PLA2G1B: variants seen among roughly 807,000 people sequenced by gnomAD.
PLA2G1B encodes phospholipase A2 group IB.
Under a neutral mutation model 12.5 loss-of-function variants are expected in PLA2G1B, and 12 were observed. That is an observed-to-expected ratio of 0.96 (90% CI 0.62 to 1.56). The LOEUF (loss-of-function observed/expected upper bound fraction) is 1.56. Ranked by LOEUF, PLA2G1B falls within the 40% of genes most tolerant of loss-of-function variation. The pLI is 0.00. For missense variants in PLA2G1B, 189 were observed against 186.7 expected, an observed-to-expected ratio of 1.01 and a Z score of -0.07; for synonymous variants, 81 against 73.4, an observed-to-expected ratio of 1.10 and a Z score of -0.53.
chr12:120,322,830 A>G (rs1017817812), intron 3 of PLA2G1B, among the ~76,000 whole-genome samples: 2 of 152,016 alleles, frequency 1.3e-5, no homozygotes, highest in Admixed American at 1.3e-4. Flanking sequence ...CAAGTGATCC[A>G]TTTGCCTCGG....
intron 3 of PLA2G1B, among the ~76,000 whole-genome samples, chr12:120,323,746 T>G (rs957576245): frequency 7.9e-5 from 12 of 152,010 alleles, no homozygotes; most frequent in Admixed American, 2.0e-4. Flanking sequence ...GGAGGATGTA[T>G]AAGCAAATTA....
chr12:120,322,844 C>G (rs961986806), intron 3 of PLA2G1B, among the ~76,000 whole-genome samples: 6 of 152,156 alleles, frequency 3.9e-5, no homozygotes, highest in Admixed American at 1.3e-4. Context: ...GCCTCGGCCT[C>G]CCAAAGTGCT....
At chr12:120,322,582 T>A (rs7484571) in intron 3 of PLA2G1B, among the ~76,000 whole-genome samples, 10,723 of 152,182 alleles carry the variant, frequency 0.07, 818 homozygotes, top group East Asian at 0.45. Context: ...CATCCTGTGT[T>A]TTTTTGTTTT....
In PLA2G1B at chr12:120,327,765, G is replaced by A. The variant is rs1873379191; in HGVS notation, c.-12C>T. 2 of 1,613,352 alleles carry A rather than the reference G, an allele frequency of 1.2e-6. No homozygotes were observed. The highest frequency in any genetic ancestry group is 1.7e-6 in the Non-Finnish European group (2 of 1,179,322). On this transcript the variant is annotated 5_prime_UTR_variant, in exon 1 of 4. Coordinates refer to ENST00000308366, the MANE Select transcript of PLA2G1B (RefSeq NM_000928.3). ...ACAAGGAGTTTCATCTTGCAGTCAA[G>A]GTGAGAAAAGAACTGAGATGACCAG...
chr12:120,324,011 A>C (rs1873288979), intron 3 of PLA2G1B, among the ~76,000 whole-genome samples: 1 of 152,140 alleles, frequency 6.6e-6, no homozygotes, highest in Non-Finnish European at 1.5e-5. Flanking sequence ...TATAGCAATA[A>C]AGAAAATAGA....
intron 3 of PLA2G1B, among the ~76,000 whole-genome samples, chr12:120,323,988 C>A (rs531571435): frequency 2.6e-4 from 39 of 152,236 alleles, no homozygotes; most frequent in African/African-American, 9.4e-4. Context: ...AGACACTGCT[C>A]TAGATCTGGG....
At chr12:120,326,477 T>C (rs1320691910) in intron 1 of PLA2G1B, among the ~76,000 whole-genome samples, 1 of 149,400 alleles carries the variant, frequency 6.7e-6, no homozygotes, top group African/African-American at 2.4e-5. Context: ...CTAGGTCAGA[T>C]AGTTTTAAAC....
intron 1 of PLA2G1B, 91 bp from the exon 2 acceptor site, chr12:120,326,111 C>T: frequency 7.3e-7 from 1 of 1,368,280 alleles, no homozygotes. Flanking sequence ...ACGCTGCCTC[C>T]CTGACCCCTG....
chr12:120,325,147 G>C (rs138693218), intron 2 of PLA2G1B, 86 bp from the exon 3 acceptor site: 1 of 1,354,022 alleles, frequency 7.4e-7, no homozygotes, highest in Admixed American at 1.8e-5. Flanking sequence ...GAACAGGTGG[G>C]GATGACTTCG....
In PLA2G1B at chr12:120,322,324, A is replaced by G; in HGVS notation, c.323-7T>C. 1 of 1,613,202 alleles carries G rather than the reference A, an allele frequency of 6.2e-7. No homozygotes were observed. The highest frequency in any genetic ancestry group is 8.5e-7 in the Non-Finnish European group (1 of 1,179,614). ...TCACACTCTTTGTTTTTGCCTGGAG[A>G]GGGATGAAAGGAGAGGACTGAGCCA... On this transcript the variant is annotated splice_region_variant and splice_polypyrimidine_tract_variant and intron_variant, in intron 3 of 3. Coordinates refer to ENST00000308366, the MANE Select transcript of PLA2G1B (RefSeq NM_000928.3).
At chr12:120,326,435 C>A (rs1307327073) in intron 1 of PLA2G1B, among the ~76,000 whole-genome samples, 1 of 148,900 alleles carries the variant, frequency 6.7e-6, no homozygotes, top group Non-Finnish European at 1.5e-5. Flanking sequence ...CTCTGCTTCC[C>A]GGGTTCACGC....
At chr12:120,326,832 G>A (rs987308470) in intron 1 of PLA2G1B, among the ~76,000 whole-genome samples, 2 of 151,908 alleles carry the variant, frequency 1.3e-5, no homozygotes, top group African/African-American at 4.8e-5. Context: ...TTAGCGGGGC[G>A]TGGTGGCAGG....
intron 1 of PLA2G1B, 151 bp downstream of exon 1, chr12:120,327,569 G>C (rs1217995594): frequency 1.3e-6 from 1 of 749,266 alleles, no homozygotes; most frequent in Admixed American, 2.1e-5. Flanking sequence ...AACCCCAATA[G>C]AGGAGCCCTT....
chr12:120,325,201 TAA>T lies in PLA2G1B; in HGVS notation c.195-142_195-141del, dbSNP rs560312901. The T allele has an allele frequency of 2.1e-4, 162 of 784,538 alleles. 1 individual carries two copies. In the African/African-American group the frequency reaches 2.7e-3, roughly 13 times the overall value. The allele number at this position is 784,538 out of a possible 1,614,324, so 48.6% of individuals were successfully genotyped here. On this transcript the variant is annotated intron_variant, in intron 2 of 3. Transcript: ENST00000308366. Reference sequence around the variant, plus strand: ...AATGATCCTATGGCTTGAAAAAATATAAGTCCTTTTATCATATATTTATTGAA... The same window carrying T: ...AATGATCCTATGGCTTGAAAAAATATGTCCTTTTATCATATATTTATTGAA...
chr12:120,323,208 C>T (rs192717393), intron 3 of PLA2G1B, among the ~76,000 whole-genome samples: 30 of 152,178 alleles, frequency 2.0e-4, no homozygotes, highest in African/African-American at 4.8e-4. Context: ...ATATAATTTA[C>T]GTATCTCTGC....
intron 3 of PLA2G1B, among the ~76,000 whole-genome samples, chr12:120,322,542 T>C (rs916289869): frequency 2.0e-5 from 3 of 152,194 alleles, no homozygotes; most frequent in African/African-American, 2.4e-5. Flanking sequence ...AAATTATCCA[T>C]TGCTTATCTG....
In PLA2G1B at chr12:120,322,208, C is replaced by T. The variant is rs748871554; in HGVS notation, c.432G>A (p.Lys144=). 3.7e-6 allele frequency: 6 copies of T among 1,613,950 alleles called. No individual in the cohort carries two copies. In the African/African-American group the frequency reaches 6.7e-5, roughly 18 times the overall value. The stretch of plus-strand genomic sequence containing the variant: ...GAGGTGATATTCAACTCTGACAATA[C>T]TTCTTGGTGTCCAGGTTCTTGTGTG... ...NKAHKNLDTK[K]YCQS is the part of the protein sequence containing the mutation. Residue 144 remains lysine (K), a synonymous_variant, in exon 4 of 4, where the codon AAG becomes AAA. Transcript: ENST00000308366.
intron 3 of PLA2G1B, among the ~76,000 whole-genome samples, chr12:120,324,388 G>A (rs554530506): frequency 1.3e-5 from 2 of 152,204 alleles, no homozygotes; most frequent in South Asian, 2.1e-4. Context: ...ATAAGTAGCC[G>A]CACATGGTGG....
chr12:120,327,743 A>G lies in PLA2G1B; in HGVS notation c.11T>C (p.Leu4Pro). MKLLVLAVLLTVAA... is the reference protein window; with the variant it reads MKLPVLAVLLTVAA... Reference sequence around the variant, plus strand: ...ACCTGTGAGCAGCACAGCTAGCACAAGGAGTTTCATCTTGCAGTCAAGGTG... The same window carrying G: ...ACCTGTGAGCAGCACAGCTAGCACAGGGAGTTTCATCTTGCAGTCAAGGTG... The change falls in exon 1 of 4, where the codon CTT (leucine) becomes CCT (proline). Residue 4 changes from leucine (L) to proline (P), a missense_variant. By Grantham distance (98) the Leu-to-Pro change is moderately conservative. Coordinates refer to ENST00000308366, the MANE Select transcript of PLA2G1B (RefSeq NM_000928.3). The G allele has an allele frequency of 3.1e-6, 5 of 1,614,024 alleles. No individual in the cohort carries two copies. Among genetic ancestry groups the G allele is most frequent in the South Asian group, 2.2e-5 (2 of 91,086 alleles).
Sources: gnomAD v4.1 joint callset for allele counts (sites outside exome capture counted in the v4.1 genomes callset) on GRCh38, gnomAD v4.1.1 for gene constraint, MANE v1.5 for transcripts, NCBI Gene and HGNC (gene_info 2026-07-23, HGNC 2026-07-21) for gene names.